GPBP1L1: variants seen among roughly 807,000 people sequenced by gnomAD.
GPBP1L1 encodes GC-rich promoter binding protein 1 like 1, also known as vasculin-like protein 1.
GPBP1L1 carries 23 observed loss-of-function variants against 52.5 expected under a neutral mutation model. The observed-to-expected ratio is 0.44, with a 90% CI of 0.32 to 0.62. The LOEUF is 0.62. Ranked by LOEUF, GPBP1L1 falls within the 20% of genes least tolerant of loss-of-function variation. GPBP1L1 has a pLI of 0.06. For missense variants in GPBP1L1, 596 were observed against 579.3 expected (o/e 1.03, Z -0.30); for synonymous variants, 243 against 203.1 (o/e 1.20, Z -1.67).
At chr1:45,653,211 A>G (rs983248624) in intron 6 of GPBP1L1, among the ~76,000 whole-genome samples, 2 of 152,186 alleles carry the variant, frequency 1.3e-5, no homozygotes, top group African/African-American at 2.4e-5. Flanking sequence ...TGAAATGGCT[A>G]TAACAGAAGC....
At position 45,633,507 on chromosome 1, in the gene GPBP1L1, G is replaced by A. The variant is rs1644556294; in HGVS notation, c.1026C>T (p.Asp342=). The stretch of plus-strand genomic sequence containing the variant: ...CTCTTACATCTTCCAGCTTGTCACA[G>A]TCTCTATTCTCTGAGAAGTCTCCAT... ...DRNGDFSENR[D]CDKLEDLEDN... The change falls in exon 10 of 13, where the codon GAC becomes GAT. Residue 342 remains aspartate, a synonymous_variant. Coordinates refer to ENST00000355105, the MANE Select transcript of GPBP1L1 (RefSeq NM_021639.5). The A allele has an allele frequency of 6.2e-7, 1 of 1,613,842 alleles. No homozygotes were observed. The highest frequency in any genetic ancestry group is 8.5e-7 in the Non-Finnish European group (1 of 1,180,004).
intron 2 of GPBP1L1, among the ~76,000 whole-genome samples, chr1:45,682,703 AT>A (rs1645225609): frequency 6.6e-6 from 1 of 152,222 alleles, no homozygotes; most frequent in Non-Finnish European, 1.5e-5. Flanking sequence ...GTAAAGAAAA[AT>A]AATAGGCTCT....
chr1:45,678,996 A>G (rs1246500977), intron 2 of GPBP1L1, among the ~76,000 whole-genome samples: 1 of 152,262 alleles, frequency 6.6e-6, no homozygotes, highest in African/African-American at 2.4e-5. Flanking sequence ...TGGGAATGCC[A>G]AGGCTTTATT....
intron 6 of GPBP1L1, chr1:45,645,749 C>T (rs954127042): frequency 8.9e-5 from 31 of 349,486 alleles, no homozygotes; most frequent in Non-Finnish European, 1.2e-4. Context: ...GTCTTGGGAA[C>T]GATATTCCGA....
At position 45,660,183 on chromosome 1, in the gene GPBP1L1, C is replaced by T. The variant is rs895955758; in HGVS notation, c.-56+1G>A. 9.6e-5 allele frequency: 95 copies of T among 984,988 alleles called. No homozygotes were observed. Among genetic ancestry groups the T allele is most frequent in the Middle Eastern group, 5.2e-4 (1 of 1,936 alleles). The allele number at this position is 984,988 out of a possible 1,614,324, so 61.0% of individuals were successfully genotyped here. On this transcript the variant is annotated splice_donor_variant, in intron 3 of 12. Transcript: ENST00000355105. LOFTEE classifies it low-confidence loss of function (5UTR_SPLICE). ...AAGTTAGACATATGGAGAATATTTA[C>T]CCCAGAGTGTAACCTCTGTGGTCCT... is the stretch of plus-strand genomic sequence containing the variant.
intron 2 of GPBP1L1, among the ~76,000 whole-genome samples, chr1:45,674,615 A>G (rs1308613132): frequency 6.6e-6 from 1 of 152,234 alleles, no homozygotes; most frequent in Non-Finnish European, 1.5e-5. Context: ...TGCCCAGGCT[A>G]GCAATACGCA....
At chr1:45,670,339 G>T (rs1645059373) in intron 2 of GPBP1L1, among the ~76,000 whole-genome samples, 1 of 152,212 alleles carries the variant, frequency 6.6e-6, no homozygotes, top group Non-Finnish European at 1.5e-5. Context: ...GAATAAATCA[G>T]ATACGAATCC....
chr1:45,676,147 A>G (rs1451536800), intron 2 of GPBP1L1, among the ~76,000 whole-genome samples: 1 of 152,160 alleles, frequency 6.6e-6, no homozygotes, highest in African/African-American at 2.4e-5. Context: ...GCCCAAAGCC[A>G]TTTTCTACTT....
chr1:45,644,114 C>T (rs1256046364), intron 6 of GPBP1L1, among the ~76,000 whole-genome samples: 2 of 152,170 alleles, frequency 1.3e-5, no homozygotes, highest in African/African-American at 4.8e-5. Context: ...AGGTGAGAAC[C>T]ACTACAATAG....
chr1:45,637,629 T>A (rs965624714), intron 8 of GPBP1L1, among the ~76,000 whole-genome samples: 3 of 151,512 alleles, frequency 2.0e-5, no homozygotes, highest in Admixed American at 6.6e-5. Context: ...CTTGTAAAAA[T>A]TTTTTTACCT....
At chr1:45,658,222 T>G (rs1644906863) in intron 4 of GPBP1L1, among the ~76,000 whole-genome samples, 1 of 152,214 alleles carries the variant, frequency 6.6e-6, no homozygotes, top group Non-Finnish European at 1.5e-5. Flanking sequence ...GGATTTAATC[T>G]GAGATCCATG....
At position 45,640,328 on chromosome 1, in the gene GPBP1L1, G is replaced by A; in HGVS notation, c.626C>T (p.Ala209Val). 2 of 1,613,974 alleles carry A rather than the reference G, an allele frequency of 1.2e-6. No homozygotes were observed. Among genetic ancestry groups the A allele is most frequent in the Non-Finnish European group, 1.7e-6 (2 of 1,179,862 alleles). The change falls in exon 8 of 13, where the codon GCC becomes GTC. Residue 209 changes from alanine (A) to valine (V), a missense_variant. By Grantham distance (64) the Ala-to-Val change is moderately conservative. Coordinates refer to ENST00000355105, the MANE Select transcript of GPBP1L1 (RefSeq NM_021639.5). ...TGGTGAGGTGAATGCAGCAGAGAAG[G>A]CAGCAGCAGGATCCTCTTTGGAAAC... is the stretch of plus-strand genomic sequence containing the variant. Reference protein sequence around the residue: ...KKVSKEDPAAAFSAAFTSPGS... With the variant: ...KKVSKEDPAAVFSAAFTSPGS...
rs756227897 is a variant in GPBP1L1 at position 45,633,640 on chromosome 1, G to A, written c.893C>T (p.Ser298Phe). Reference protein sequence around the residue: ...AALSSPKESPSSTTPPIEISS... With the variant: ...AALSSPKESPFSTTPPIEISS... ...GATCTCAATTGGAGGGGTGGTGCTG[G>A]AGGGACTCTGGGCAAATACCACAAA... Residue 298 changes from serine (S) to phenylalanine (F), a missense_variant, in exon 10 of 13, where the codon TCC (serine) becomes TTC (phenylalanine). Ser to Phe is a radical substitution (Grantham distance 155). Coordinates refer to ENST00000355105, the MANE Select transcript of GPBP1L1 (RefSeq NM_021639.5). The A allele has an allele frequency of 1.2e-6, 2 of 1,613,684 alleles. No individual in the cohort carries two copies. The highest frequency in any genetic ancestry group is 4.5e-5 in the East Asian group (2 of 44,886).
chr1:45,642,314 G>A lies in GPBP1L1; in HGVS notation c.550+113C>T, dbSNP rs370370856. On this transcript the variant is annotated intron_variant, in intron 7 of 12. Coordinates refer to ENST00000355105, the MANE Select transcript of GPBP1L1 (RefSeq NM_021639.5). Reference sequence around the variant, plus strand: ...TACAGTCAGATGTTAGTTACCATGGGCAAATGCATGAGATGAGAAACAAGA... The same window carrying A: ...TACAGTCAGATGTTAGTTACCATGGACAAATGCATGAGATGAGAAACAAGA... 183 of 755,220 alleles carry A rather than the reference G, an allele frequency of 2.4e-4. No individual in the cohort carries two copies. In the African/African-American group the frequency reaches 2.8e-3, roughly 11 times the overall value. The allele number at this position is 755,220 out of a possible 1,614,324, so 46.8% of individuals were successfully genotyped here. A position where few individuals can be genotyped will look rare whatever the true frequency, so the allele number is the denominator to read the frequency against.
chr1:45,672,343 C>CAAA (rs57589371), intron 2 of GPBP1L1, among the ~76,000 whole-genome samples: 75 of 105,516 alleles, frequency 7.1e-4, no homozygotes, highest in Non-Finnish European at 1.2e-3. Context: ...GCCCAGGCGA[C>CAAA]AAAAAAAAAA....
At chr1:45,656,827 G>A (rs1300443882) in intron 4 of GPBP1L1, among the ~76,000 whole-genome samples, 2 of 148,716 alleles carry the variant, frequency 1.3e-5, no homozygotes, top group Non-Finnish European at 3.0e-5. Context: ...CACCACACCT[G>A]CCTAGTTTTT....
chr1:45,662,321 T>G (rs988146849), intron 2 of GPBP1L1, among the ~76,000 whole-genome samples: 1 of 152,084 alleles, frequency 6.6e-6, no homozygotes, highest in Non-Finnish European at 1.5e-5. Flanking sequence ...AAAAAACATT[T>G]TTTTGTAGAC....
At chr1:45,675,696 T>C (rs1645130957) in intron 2 of GPBP1L1, among the ~76,000 whole-genome samples, 1 of 152,118 alleles carries the variant, frequency 6.6e-6, no homozygotes, top group African/African-American at 2.4e-5. Context: ...CCTATCACCA[T>C]GCCTGGCTAT....
rs548929267 is a variant in GPBP1L1, at chr1:45,639,925, G to A, written c.744+285C>T. Among the ~76,000 whole-genome samples the A allele has an allele frequency of 3.4e-4, 51 of 151,632 alleles. 2 individuals are homozygous for A. In the South Asian group the frequency reaches 7.9e-3, roughly 24 times the overall value. On this transcript the variant is annotated intron_variant, in intron 8 of 12. Coordinates refer to ENST00000355105, the MANE Select transcript of GPBP1L1 (RefSeq NM_021639.5). ...AATAAAATAAATAAAAAAAATAGCC[G>A]GGCATAATGGCGTGCCCCTGTAGTT...
Sources: gnomAD v4.1 joint callset for allele counts (sites outside exome capture counted in the v4.1 genomes callset) on GRCh38, gnomAD v4.1.1 for gene constraint, MANE v1.5 for transcripts, NCBI Gene and HGNC (gene_info 2026-07-23, HGNC 2026-07-21) for gene names.